Variants in HECTD2 observed in about 807,000 individuals in gnomAD.
HECTD2 encodes the protein probable E3 ubiquitin-protein ligase HECTD2.
In HECTD2, 35 loss-of-function variants were observed where a neutral mutation model predicts 103.2. That is an observed-to-expected ratio of 0.34 (90% confidence interval 0.26 to 0.45). HECTD2 has a LOEUF of 0.45. Among genes scored for constraint, HECTD2 ranks in the 20% least tolerant of loss-of-function variants. The pLI is 1.00. For missense variants in HECTD2, 596 were observed against 937.4 expected, an observed-to-expected ratio of 0.64 and a Z score of 4.76; for synonymous variants, 281 against 329.9, an observed-to-expected ratio of 0.85 and a Z score of 1.61.
At chr10:91,410,038 C>T (rs1459708563), upstream of HECTD2, among the ~76,000 whole-genome samples, 1 of 152,170 alleles carries the variant, frequency 6.6e-6, no homozygotes, top group Non-Finnish European at 1.5e-5. Flanking sequence ...CTGCGCGGCC[C>T]GGGTGCGGGG....
chr10:91,458,377 A>G (rs1202379339), intron 2 of HECTD2, among the ~76,000 whole-genome samples: 2 of 152,020 alleles, frequency 1.3e-5, no homozygotes, highest in Non-Finnish European at 2.9e-5. Context: ...AAGGAACTTT[A>G]TGCATTTCCT....
At chr10:91,511,358 G>C (rs1488994794) in intron 20 of HECTD2, among the ~76,000 whole-genome samples, 1 of 152,096 alleles carries the variant, frequency 6.6e-6, no homozygotes, top group Non-Finnish European at 1.5e-5. Flanking sequence ...GGCATCTACT[G>C]TCCCCAAAAT....
Position 91,499,035 on chromosome 10 carries a change from G to T in HECTD2, c.1844-9G>T. ...TTTACTATTTAAGAGATGTAAAATT[G>T]CTTTTCAGAATATGTACAGCTTTAT... On this transcript the variant is annotated splice_polypyrimidine_tract_variant and intron_variant, in intron 17 of 20. Transcript: ENST00000298068. The T allele has an allele frequency of 6.3e-7, 1 of 1,591,126 alleles. No homozygotes were observed. The highest frequency in any genetic ancestry group is 2.2e-5 in the East Asian group (1 of 44,588).
chr10:91,434,155 T>C (rs918065457), intron 2 of HECTD2, among the ~76,000 whole-genome samples: 2 of 152,008 alleles, frequency 1.3e-5, no homozygotes, highest in Non-Finnish European at 2.9e-5. Flanking sequence ...GACTTTTTTT[T>C]TCCTGTCTTT....
At position 91,478,183 on chromosome 10, in the gene HECTD2, G is replaced by A; in HGVS notation, c.601-18G>A. ...ATTTGGTAATCCTAATTACCTTACT[G>A]TTTTCTTTTGCCTACAGCCTCAAGA... is the stretch of plus-strand genomic sequence containing the variant. On this transcript the variant is annotated intron_variant, in intron 5 of 20. Transcript: ENST00000298068. The A allele has an allele frequency of 6.4e-7, 1 of 1,573,112 alleles. No homozygotes were observed. Among genetic ancestry groups the A allele is most frequent in the South Asian group, 1.1e-5 (1 of 89,804 alleles).
At chr10:91,490,718 C>T (rs887311016) in intron 11 of HECTD2, among the ~76,000 whole-genome samples, 15 of 150,674 alleles carry the variant, frequency 1.0e-4, no homozygotes, top group African/African-American at 2.0e-4. Flanking sequence ...GGTGAAACCC[C>T]GTCTCTACTA....
intron 16 of HECTD2, 100 bp downstream of exon 16, chr10:91,498,282 A>G: frequency 1.3e-6 from 1 of 797,486 alleles, no homozygotes; most frequent in Non-Finnish European, 2.2e-6. Context: ...ATGAACAAGG[A>G]TTAACCAATA....
chr10:91,491,970 A>C (rs556152656), intron 12 of HECTD2, among the ~76,000 whole-genome samples: 31 of 152,256 alleles, frequency 2.0e-4, no homozygotes, highest in Admixed American at 1.6e-3. Flanking sequence ...TCAGCCTCCC[A>C]AATAGTTGGG....
intron 11 of HECTD2, among the ~76,000 whole-genome samples, chr10:91,490,289 T>C (rs1846417525): frequency 6.6e-6 from 1 of 152,186 alleles, no homozygotes; most frequent in African/African-American, 2.4e-5. Flanking sequence ...TTTTCATTAG[T>C]TGTATATGTA....
intron 2 of HECTD2, among the ~76,000 whole-genome samples, chr10:91,426,327 A>T (rs1843557151): frequency 6.6e-6 from 1 of 152,034 alleles, no homozygotes; most frequent in Non-Finnish European, 1.5e-5. Flanking sequence ...AAAGGTTTAA[A>T]TGCCCCTCAC....
intron 2 of HECTD2, among the ~76,000 whole-genome samples, chr10:91,436,892 G>A (rs1044724786): frequency 2.6e-5 from 4 of 151,904 alleles, no homozygotes; most frequent in Admixed American, 2.0e-4. Context: ...TATTTCACCT[G>A]TTCTGTTTGT....
chr10:91,471,735 T>C (rs1220100098), intron 5 of HECTD2, among the ~76,000 whole-genome samples: 1 of 152,108 alleles, frequency 6.6e-6, no homozygotes, highest in Non-Finnish European at 1.5e-5. Flanking sequence ...ATAAAATACC[T>C]GTGAGTATTG....
chr10:91,474,916 A>T (rs1349993262), intron 5 of HECTD2, among the ~76,000 whole-genome samples: 1 of 152,188 alleles, frequency 6.6e-6, no homozygotes, highest in African/African-American at 2.4e-5. Flanking sequence ...AACCATGAGA[A>T]GATCTGTGAG....
intron 2 of HECTD2, among the ~76,000 whole-genome samples, chr10:91,430,256 A>G (rs1286965152): frequency 6.6e-6 from 1 of 151,996 alleles, no homozygotes; most frequent in Non-Finnish European, 1.5e-5. Context: ...GTTTGTTATA[A>G]TTTCTGTTCT....
intron 1 of HECTD2, among the ~76,000 whole-genome samples, chr10:91,412,180 CTG>C (rs1159720215): frequency 3.9e-5 from 6 of 152,150 alleles, no homozygotes; most frequent in African/African-American, 1.2e-4. Flanking sequence ...ATCTTAATAA[CTG>C]TAATGAAATT....
chr10:91,514,680 A>G lies in HECTD2; in HGVS notation c.*2296A>G, dbSNP rs1425809887. The G allele has an allele frequency of 6.6e-6, 1 of 152,622 alleles. No homozygotes were observed. Among genetic ancestry groups the G allele is most frequent in the Non-Finnish European group, 1.5e-5 (1 of 68,026 alleles). 9.5% of individuals were successfully genotyped at this position (152,622 alleles called of 1,614,324 possible). A position where few individuals can be genotyped will look rare whatever the true frequency, so the allele number is the denominator to read the frequency against. ...TTTGTCTGTATGATTAGAAGTTTTT[A>G]CGTCCTTCCTTTTTTGTACAAATCT... On this transcript the variant is annotated 3_prime_UTR_variant, in exon 21 of 21. Coordinates refer to ENST00000298068, the MANE Select transcript of HECTD2 (RefSeq NM_182765.6).
chr10:91,435,133 A>G (rs1405780864), intron 2 of HECTD2, among the ~76,000 whole-genome samples: 2 of 151,910 alleles, frequency 1.3e-5, no homozygotes, highest in East Asian at 3.9e-4. Context: ...GAACTCAGCA[A>G]TCAAGAGCAC....
At chr10:91,412,839 A>C (rs527821461) in intron 1 of HECTD2, among the ~76,000 whole-genome samples, 52 of 152,192 alleles carry the variant, frequency 3.4e-4, no homozygotes, top group African/African-American at 1.2e-3. Flanking sequence ...CTTTTACAGC[A>C]GCTAGGAAGG....
chr10:91,450,559 A>G (rs1343082324), intron 2 of HECTD2, among the ~76,000 whole-genome samples: 3 of 152,350 alleles, frequency 2.0e-5, no homozygotes, highest in Admixed American at 1.3e-4. Context: ...TCTAAACAGT[A>G]AAAGAAACTA....
Sources: gnomAD v4.1 joint callset for allele counts (sites outside exome capture counted in the v4.1 genomes callset) on GRCh38, gnomAD v4.1.1 for gene constraint, MANE v1.5 for transcripts, NCBI Gene and HGNC (gene_info 2026-07-23, HGNC 2026-07-21) for gene names.